The following GNAT3 variants were observed in gnomAD, a reference collection of about 807,000 sequenced individuals.
The protein encoded by GNAT3 is guanine nucleotide-binding protein G(t) subunit alpha-3.
GNAT3 carries 31 observed loss-of-function variants against 37.7 expected under a neutral mutation model. That is an observed-to-expected ratio of 0.82 (90% CI 0.62 to 1.11). The LOEUF is 1.11. Among genes scored for constraint, GNAT3 ranks in the 50% most tolerant of loss-of-function variants. The pLI, the probability that GNAT3 is intolerant of heterozygous loss-of-function variation, is 0.00. For missense variants in GNAT3, 437 were observed against 412.5 expected, an observed-to-expected ratio of 1.06 and a Z score of -0.51; for synonymous variants, 138 against 139.8, an observed-to-expected ratio of 0.99 and a Z score of 0.09.
intron 2 of GNAT3, among the ~76,000 whole-genome samples, chr7:80,493,600 CTTTCCTCCTCCTCCTCTTTCCT>C (rs1790636423): frequency 8.1e-6 from 1 of 123,452 alleles, no homozygotes; most frequent in African/African-American, 3.3e-5. Context: ...TCATCCTCCT[CTTTCCTCCTCCTCCTCTTTCCT>C]CTTCCTCCTC....
intron 4 of GNAT3, among the ~76,000 whole-genome samples, chr7:80,478,177 C>T (rs1387046308): frequency 7.9e-5 from 12 of 152,224 alleles, no homozygotes; most frequent in Non-Finnish European, 1.3e-4. Flanking sequence ...TCCCAAAGTG[C>T]TGGGATTACA....
intron 1 of GNAT3, among the ~76,000 whole-genome samples, chr7:80,500,230 C>CTT (rs78207604): frequency 0.087 from 12,536 of 144,160 alleles, 1,344 homozygotes; most frequent in African/African-American, 0.25. Context: ...AGTTTGCCTC[C>CTT]TTTTTTTTTT....
At chr7:80,509,194 T>A (rs978179310) in intron 1 of GNAT3, among the ~76,000 whole-genome samples, 4 of 152,068 alleles carry the variant, frequency 2.6e-5, no homozygotes, top group Non-Finnish European at 5.9e-5. Flanking sequence ...ATATAAAAAT[T>A]ACAGTTTCGA....
intron 5 of GNAT3, among the ~76,000 whole-genome samples, chr7:80,470,747 A>G (rs535188569): frequency 1.9e-4 from 29 of 152,294 alleles, no homozygotes; most frequent in African/African-American, 7.0e-4. Flanking sequence ...ATGACTATGT[A>G]CCAAAGGGGG....
At chr7:80,479,783 A>C (rs930851399) in intron 3 of GNAT3, among the ~76,000 whole-genome samples, 1 of 151,726 alleles carries the variant, frequency 6.6e-6, no homozygotes, top group Non-Finnish European at 1.5e-5. Flanking sequence ...ATTGTTTCAA[A>C]AAATTAATAT....
intron 7 of GNAT3, among the ~76,000 whole-genome samples, chr7:80,461,274 G>T (rs1185412422): frequency 6.6e-6 from 1 of 152,074 alleles, no homozygotes; most frequent in Non-Finnish European, 1.5e-5. Flanking sequence ...ATGGCTGGGT[G>T]CAATGGCTCA....
chr7:80,507,357 A>G (rs890364378), intron 1 of GNAT3, among the ~76,000 whole-genome samples: 1 of 152,056 alleles, frequency 6.6e-6, no homozygotes, highest in Non-Finnish European at 1.5e-5. Flanking sequence ...AAAAGCACAC[A>G]TAGAATAAAA....
intron 3 of GNAT3, among the ~76,000 whole-genome samples, chr7:80,483,945 C>G (rs903911431): frequency 6.6e-6 from 1 of 152,138 alleles, no homozygotes; most frequent in African/African-American, 2.4e-5. Flanking sequence ...CTCTCTCTCT[C>G]TCTCTTTAAA....
At chr7:80,505,890 C>A (rs947557646) in intron 1 of GNAT3, among the ~76,000 whole-genome samples, 6 of 152,020 alleles carry the variant, frequency 3.9e-5, no homozygotes, top group African/African-American at 1.2e-4. Context: ...TATTTGCACA[C>A]CAGTATTTGG....
intron 2 of GNAT3, among the ~76,000 whole-genome samples, chr7:80,489,252 A>G (rs181924143): frequency 6.6e-6 from 1 of 152,276 alleles, no homozygotes; most frequent in Admixed American, 6.5e-5. Context: ...CTGACATTTT[A>G]TTTGGCTGAA....
chr7:80,492,127 C>T (rs866603549), intron 2 of GNAT3, among the ~76,000 whole-genome samples: 5 of 150,004 alleles, frequency 3.3e-5, no homozygotes, highest in South Asian at 4.2e-4. Flanking sequence ...GTCAGGAGTT[C>T]GAGACCAGCC....
intron 5 of GNAT3, among the ~76,000 whole-genome samples, chr7:80,462,883 G>T (rs1790074827): frequency 6.6e-6 from 1 of 152,156 alleles, no homozygotes; most frequent in Non-Finnish European, 1.5e-5. Flanking sequence ...GAGAAACTGG[G>T]AAGTTTAAAA....
intron 3 of GNAT3, among the ~76,000 whole-genome samples, chr7:80,484,073 T>G (rs1390436087): frequency 2.0e-5 from 3 of 152,112 alleles, no homozygotes; most frequent in Admixed American, 6.6e-5. Flanking sequence ...CCTGCACCTA[T>G]CAACTCATCT....
intron 5 of GNAT3, among the ~76,000 whole-genome samples, chr7:80,466,550 T>TG (rs1465251969): frequency 1.3e-5 from 2 of 151,922 alleles, no homozygotes; most frequent in Non-Finnish European, 2.9e-5. Flanking sequence ...TTTTGGTGTG[T>TG]GGGGGGTTAA....
chr7:80,482,782 C>T (rs928104953), intron 3 of GNAT3, among the ~76,000 whole-genome samples: 4 of 150,616 alleles, frequency 2.7e-5, no homozygotes, highest in South Asian at 2.1e-4. Flanking sequence ...CTGCCCACCT[C>T]GGGCTCCCAA....
At chr7:80,487,316 A>T (rs1159676620) in intron 3 of GNAT3, among the ~76,000 whole-genome samples, 2 of 152,178 alleles carry the variant, frequency 1.3e-5, no homozygotes, top group East Asian at 3.9e-4. Context: ...TTCCCCTTTT[A>T]CACATGAGAG....
intron 3 of GNAT3, chr7:80,487,536 T>C (rs1277670927): frequency 6.6e-6 from 1 of 152,148 alleles, no homozygotes; most frequent in Non-Finnish European, 1.5e-5. Context: ...TTTTGTTTTG[T>C]TTTTGTTTTA....
intron 3 of GNAT3, among the ~76,000 whole-genome samples, chr7:80,479,471 G>A (rs757693621): frequency 2.6e-4 from 39 of 151,908 alleles, no homozygotes; most frequent in Admixed American, 5.9e-4. Context: ...TATAATCCCA[G>A]CACTTAGGGA....
intron 1 of GNAT3, among the ~76,000 whole-genome samples, chr7:80,499,122 T>C (rs967598891): frequency 3.3e-5 from 5 of 152,094 alleles, no homozygotes; most frequent in Admixed American, 6.6e-5. Context: ...AATTGTATAG[T>C]AGAAAGAAAC....
Sources: gnomAD v4.1 joint callset for allele counts (sites outside exome capture counted in the v4.1 genomes callset) on GRCh38, gnomAD v4.1.1 for gene constraint, MANE v1.5 for transcripts, NCBI Gene and HGNC (gene_info 2026-07-23, HGNC 2026-07-21) for gene names.